Variants in UHRF1 observed in about 807,000 individuals in gnomAD.
The protein encoded by UHRF1 is E3 ubiquitin-protein ligase UHRF1.
In UHRF1, 9 loss-of-function variants were observed where a neutral mutation model predicts 96.5. That is an observed-to-expected ratio of 0.09 (90% confidence interval 0.06 to 0.16). The LOEUF (loss-of-function observed/expected upper bound fraction) is 0.16, where lower values mean the gene tolerates loss of function less well. Among genes scored for constraint, UHRF1 ranks in the 10% least tolerant of loss-of-function variants. The pLI is 1.00. For missense variants in UHRF1, 626 were observed against 1,131.1 expected (o/e 0.55, Z 6.40); for synonymous variants, 455 against 469.9 (o/e 0.97, Z 0.41).
At chr19:4,904,639 T>C (rs1056223446), upstream of UHRF1, among the ~76,000 whole-genome samples, 1 of 152,146 alleles carries the variant, frequency 6.6e-6, no homozygotes, top group Non-Finnish European at 1.5e-5. Context: ...TATGCCTGCA[T>C]CTCCCCCATT....
intron 4 of UHRF1, among the ~76,000 whole-genome samples, chr19:4,932,315 G>A (rs1196365934): frequency 2.6e-5 from 4 of 152,190 alleles, no homozygotes; most frequent in African/African-American, 9.6e-5. Context: ...TGATCTTCCC[G>A]CTTCGGCCTC....
Position 4,961,489 on chromosome 19 carries a change from C to T in UHRF1, c.*686C>T. ...CAGAAATGGCCTCAAGGGGACTCTGCTCCACGTGGGGCCAGGCGTGTGACT... is the reference window on the plus strand; with the variant it reads ...CAGAAATGGCCTCAAGGGGACTCTGTTCCACGTGGGGCCAGGCGTGTGACT... On this transcript the variant is annotated 3_prime_UTR_variant, in exon 17 of 17. Coordinates refer to ENST00000650932, the MANE Select transcript of UHRF1 (RefSeq NM_001048201.3). The T allele has an allele frequency of 6.6e-6, 1 of 152,486 alleles. No individual in the cohort carries two copies. The highest frequency in any genetic ancestry group is 1.9e-4 in the East Asian group (1 of 5,204). 9.4% of individuals were successfully genotyped at this position (152,486 alleles called of 1,614,324 possible). A position where few individuals can be genotyped will look rare whatever the true frequency, so the allele number is the denominator to read the frequency against.
chr19:4,912,155 G>C (rs755573672), intron 2 of UHRF1, among the ~76,000 whole-genome samples: 1 of 152,140 alleles, frequency 6.6e-6, no homozygotes, highest in African/African-American at 2.4e-5. Context: ...GAGTTAACCC[G>C]CCCTGCCCCG....
chr19:4,929,407 G>T lies in UHRF1; in HGVS notation c.339G>T (p.Ala113=), dbSNP rs1200286664. Reference sequence around the variant, plus strand: ...ACAAGTCCTCCACCCACGGTGAGGCGGCCGCCGAGACTGACAGCAGGCCAG... The same window carrying T: ...ACAAGTCCTCCACCCACGGTGAGGCTGCCGCCGAGACTGACAGCAGGCCAG... ...ESDKSSTHGE[A]AAETDSRPAD... The change falls in exon 3 of 17, where the codon GCG becomes GCT. Residue 113 remains alanine (A), a synonymous_variant. Transcript: ENST00000650932. 1 of 1,613,614 alleles carries T rather than the reference G, an allele frequency of 6.2e-7. No individual in the cohort carries two copies. Among genetic ancestry groups the T allele is most frequent in the East Asian group, 2.2e-5 (1 of 44,874 alleles).
intron 2 of UHRF1, among the ~76,000 whole-genome samples, chr19:4,923,789 G>T (rs1313417677): frequency 6.6e-6 from 1 of 152,202 alleles, no homozygotes; most frequent in South Asian, 2.1e-4. Flanking sequence ...GCACCCTGCA[G>T]GGCCCAGGAA....
chr19:4,938,566 C>T (rs1377887021), intron 5 of UHRF1, among the ~76,000 whole-genome samples: 1 of 151,494 alleles, frequency 6.6e-6, no homozygotes, highest in Non-Finnish European at 1.5e-5. Context: ...CTCACTCTGT[C>T]ACCCATGCTG....
intron 5 of UHRF1, among the ~76,000 whole-genome samples, chr19:4,939,906 G>C (rs553290548): frequency 1.6e-4 from 25 of 151,910 alleles, no homozygotes; most frequent in African/African-American, 4.3e-4. Context: ...TGCCTATAGT[G>C]CCAGCTACTC....
chr19:4,947,109 A>G lies in UHRF1; in HGVS notation c.1415A>G (p.His472Arg). Residue 472 changes from histidine (H) to arginine (R), a missense_variant, in exon 11 of 17, where the codon CAT becomes CGT. Physicochemically the swap from His to Arg is conservative, Grantham distance 29 (BLOSUM62 0). This residue lies in a region of UHRF1 where 61 missense variants were observed against 199.2 expected (regional missense o/e 0.31). Transcript: ENST00000650932. ...LAGGYEDDVDHGNFFTYTGSG... is the reference protein window; with the variant it reads ...LAGGYEDDVDRGNFFTYTGSG... ...CAGCCTTCTTGTCTGTTTCAGGACC[A>G]TGGGAATTTTTTCACATACACGGGT... 2 of 1,611,138 alleles carry G rather than the reference A, an allele frequency of 1.2e-6. No individual in the cohort carries two copies. Among genetic ancestry groups the G allele is most frequent in the Admixed American group, 1.7e-5 (1 of 59,734 alleles).
chr19:4,919,810 T>C (rs928261933), intron 2 of UHRF1, among the ~76,000 whole-genome samples: 3 of 150,444 alleles, frequency 2.0e-5, no homozygotes, highest in East Asian at 1.9e-4. Flanking sequence ...TTTAAATTAT[T>C]ATTATTGTTA....
chr19:4,938,730 GTTTTTTTTT>G (rs71170880), intron 5 of UHRF1, among the ~76,000 whole-genome samples: 30 of 61,584 alleles, frequency 4.9e-4, no homozygotes, highest in Admixed American at 2.3e-3. Context: ...TTTTGGTCAG[GTTTTTTTTT>G]TTTTTTTTTT....
chr19:4,917,927 T>C (rs562503632), intron 2 of UHRF1, among the ~76,000 whole-genome samples: 19 of 151,728 alleles, frequency 1.3e-4, no homozygotes, highest in Admixed American at 1.1e-3. Flanking sequence ...TTCTGAGTAG[T>C]TGGGACTACA....
chr19:4,936,417 C>T (rs1025533961), intron 5 of UHRF1, among the ~76,000 whole-genome samples: 4 of 152,062 alleles, frequency 2.6e-5, no homozygotes, highest in South Asian at 2.1e-4. Context: ...TGAGACAACA[C>T]GCGAGGATGG....
chr19:4,933,643 C>G (rs2033127837), intron 5 of UHRF1, among the ~76,000 whole-genome samples: 1 of 152,206 alleles, frequency 6.6e-6, no homozygotes, highest in Non-Finnish European at 1.5e-5. Context: ...CCCAGTTCCC[C>G]TTTTTGGCGA....
intron 2 of UHRF1, among the ~76,000 whole-genome samples, chr19:4,922,054 C>A (rs2032719461): frequency 1.3e-5 from 2 of 152,214 alleles, no homozygotes; most frequent in South Asian, 4.1e-4. Flanking sequence ...TCAAGCTATT[C>A]TCCTGCCTTA....
Position 4,954,067 on chromosome 19 carries a change from G to A in UHRF1, c.1819-283G>A, listed in dbSNP as rs1003578598. ...CTGTAAAGGGGGAGGAAGGGGCCCC[G>A]AGCCGAGGGATGCAGCGCCTCTAGA... On this transcript the variant is annotated intron_variant, in intron 13 of 16. Coordinates refer to ENST00000650932, the MANE Select transcript of UHRF1 (RefSeq NM_001048201.3). The surrounding 1 kb of genome is among the most constrained non-coding windows in gnomAD (Gnocchi z 5.9). 3.9e-5 allele frequency among the ~76,000 whole-genome samples: 6 copies of A among 152,172 alleles called. No individual in the cohort carries two copies. The highest frequency in any genetic ancestry group is 9.7e-5 in the African/African-American group (4 of 41,450).
chr19:4,912,130 G>C (rs993049032), intron 2 of UHRF1, among the ~76,000 whole-genome samples: 2 of 152,178 alleles, frequency 1.3e-5, no homozygotes, highest in Non-Finnish European at 2.9e-5. Context: ...GTGATGACTT[G>C]AGTCTTAAGA....
intron 11 of UHRF1, among the ~76,000 whole-genome samples, chr19:4,949,208 T>C (rs2033652984): frequency 6.6e-6 from 1 of 152,070 alleles, no homozygotes; most frequent in Non-Finnish European, 1.5e-5. Context: ...GGTGAGATAC[T>C]ATTTGTTTCC....
At chr19:4,923,265 C>G (rs529988962) in intron 2 of UHRF1, among the ~76,000 whole-genome samples, 1 of 152,208 alleles carries the variant, frequency 6.6e-6, no homozygotes, top group East Asian at 1.9e-4. Context: ...GTCTGGCCCC[C>G]TCCTGGCTCC....
At chr19:4,949,570 T>TGTC (rs1349151548) in intron 11 of UHRF1, among the ~76,000 whole-genome samples, 1 of 152,120 alleles carries the variant, frequency 6.6e-6, no homozygotes, top group African/African-American at 2.4e-5. Flanking sequence ...GTCACATGCC[T>TGTC]GTCGTTCCAG....
Sources: allele counts gnomAD v4.1 joint callset (sites outside exome capture counted in the v4.1 genomes callset), GRCh38; gene constraint gnomAD v4.1.1; regional missense constraint gnomAD v4.1.1; non-coding constraint Gnocchi (gnomAD v3.1); transcripts MANE v1.5; gene names NCBI Gene and HGNC (gene_info 2026-07-23, HGNC 2026-07-21).